Variants in PREPL observed in about 807,000 individuals in gnomAD.
PREPL encodes the protein prolyl endopeptidase-like.
A neutral mutation model predicts 70.6 loss-of-function variants in PREPL; 77 were observed. The ratio of observed to expected loss-of-function variants is 1.09; its 90% CI spans 0.91 to 1.32. The LOEUF is 1.32. PREPL is among the 40% of genes most tolerant of loss of function. The probability of loss-of-function intolerance (pLI) is 0.00; values close to 1 mark genes in which losing one functional copy is unlikely to be tolerated. For synonymous variants in PREPL, 315 were observed against 264.8 expected (o/e 1.19, Z -1.84); for missense variants, 1,002 against 778.2 (o/e 1.29, Z -3.42).
intron 12 of PREPL, 75 bp from the exon 13 acceptor site, chr2:44,321,975 CCT>C (rs1355702019): frequency 1.4e-6 from 2 of 1,429,016 alleles, no homozygotes; most frequent in African/African-American, 2.9e-5. Flanking sequence ...CCATTCCTCC[CCT>C]CTTCTTTGAG....
chr2:44,358,620 T>C (rs544487050), intron 1 of PREPL, among the ~76,000 whole-genome samples: 8 of 152,186 alleles, frequency 5.3e-5, no homozygotes, highest in African/African-American at 1.7e-4. Flanking sequence ...GGGACACTAT[T>C]AATAATTACA....
intron 13 of PREPL, 106 bp downstream of exon 13, chr2:44,321,721 A>C (rs1672972003): frequency 6.2e-6 from 10 of 1,600,130 alleles, no homozygotes; most frequent in Non-Finnish European, 7.7e-6. Context: ...TAGATAGGAC[A>C]TTTGTGAAGT....
In PREPL at chr2:44,318,228, T is replaced by C. The variant is rs185321433; in HGVS notation, c.*3128A>G. ...GCTGCAGCCTCCCAAGTAGCTGGGA[T>C]TACAGGTGCACGTCATTATGCCCGG... On this transcript the variant is annotated 3_prime_UTR_variant, in exon 14 of 14. Coordinates refer to ENST00000409411, the MANE Select transcript of PREPL (RefSeq NM_001171613.2). 5.5e-4 allele frequency: 200 copies of C among 363,636 alleles called. 1 individual carries two copies. The highest frequency in any genetic ancestry group is 3.7e-3 in the African/African-American group (167 of 44,644). 22.5% of individuals were successfully genotyped at this position (363,636 alleles called of 1,614,324 possible). A position where few individuals can be genotyped will look rare whatever the true frequency, so the allele number is the denominator to read the frequency against.
At chr2:44,338,572 A>C in intron 6 of PREPL, 36 bp from the exon 7 acceptor site, 1 of 1,525,818 alleles carries the variant, frequency 6.6e-7, no homozygotes, top group African/African-American at 1.4e-5. Context: ...TATAGGTAAG[A>C]AAACACGAAG....
At chr2:44,342,192 A>G (rs1675299484) in intron 5 of PREPL, among the ~76,000 whole-genome samples, 1 of 152,158 alleles carries the variant, frequency 6.6e-6, no homozygotes, top group African/African-American at 2.4e-5. Context: ...CACAAAATCA[A>G]TTTCAGTTTT....
intron 10 of PREPL, among the ~76,000 whole-genome samples, chr2:44,325,294 T>C (rs751653643): frequency 1.3e-5 from 2 of 152,230 alleles, no homozygotes; most frequent in Non-Finnish European, 2.9e-5. Flanking sequence ...TAATTTATTC[T>C]GGCAAAAGTG....
chr2:44,334,433 T>A (rs1056796131), intron 7 of PREPL, among the ~76,000 whole-genome samples: 1 of 152,192 alleles, frequency 6.6e-6, no homozygotes, highest in Non-Finnish European at 1.5e-5. Context: ...AAATTAAATA[T>A]CATAACTTCT....
At chr2:44,326,959 G>C (rs771028823) in intron 9 of PREPL, 31 bp from the exon 10 acceptor site, 1 of 1,576,802 alleles carries the variant, frequency 6.3e-7, no homozygotes, top group Non-Finnish European at 8.7e-7. Context: ...AGTTTTAGTG[G>C]AAAAAAAAAG....
chr2:44,358,534 T>C (rs1384677992), intron 1 of PREPL, among the ~76,000 whole-genome samples: 3 of 152,258 alleles, frequency 2.0e-5, no homozygotes, highest in East Asian at 3.9e-4. Flanking sequence ...GCAGCACAAA[T>C]AGATCATTTA....
At chr2:44,349,023 GAGA>G (rs896900271) in intron 1 of PREPL, among the ~76,000 whole-genome samples, 53 of 152,256 alleles carry the variant, frequency 3.5e-4, no homozygotes, top group Middle Eastern at 3.4e-3. Context: ...TTCAGATTTT[GAGA>G]AGGTTACTGG....
At chr2:44,353,276 G>A (rs901190878) in intron 1 of PREPL, among the ~76,000 whole-genome samples, 2 of 151,366 alleles carry the variant, frequency 1.3e-5, no homozygotes, top group African/African-American at 2.4e-5. Context: ...GAATACACAC[G>A]CTTCCTGATT....
chr2:44,345,769 AAAAC>A (rs374356973), intron 2 of PREPL, among the ~76,000 whole-genome samples: 3 of 152,352 alleles, frequency 2.0e-5, no homozygotes, highest in African/African-American at 7.2e-5. Flanking sequence ...AAATTTAGAC[AAAAC>A]AATCAAGTAA....
intron 1 of PREPL, among the ~76,000 whole-genome samples, chr2:44,351,154 G>A (rs1288364840): frequency 1.4e-5 from 2 of 146,510 alleles, no homozygotes; most frequent in Admixed American, 6.9e-5. Flanking sequence ...AGGCTGGTCT[G>A]AAACTCCTGA....
At position 44,346,334 on chromosome 2, in the gene PREPL, T is replaced by C. The variant is rs1024558203; in HGVS notation, c.9A>G (p.Ala3=). ...CTAATTTTGTTCTCACTTTTTCAAA[T>C]GCATCCATGTTTTCTGGAAGGGGTT... The part of the protein sequence containing the change: MD[A]FEKVRTKLET... Residue 3 remains alanine, a synonymous_variant, in exon 2 of 14, where the codon GCA becomes GCG. Transcript: ENST00000409411. The C allele has an allele frequency of 6.2e-7, 1 of 1,612,512 alleles. No individual in the cohort carries two copies. The highest frequency in any genetic ancestry group is 1.3e-5 in the African/African-American group (1 of 75,006).
chr2:44,359,351 C>G, intron 1 of PREPL: 1 of 693,622 alleles, frequency 1.4e-6, no homozygotes, highest in East Asian at 2.7e-5. Context: ...TTACTTTTGA[C>G]TAGAGACAAT....
intron 10 of PREPL, 107 bp downstream of exon 10, chr2:44,326,605 G>T: frequency 1.7e-6 from 2 of 1,170,966 alleles, no homozygotes; most frequent in Non-Finnish European, 2.5e-6. Flanking sequence ...GAAGTGCTGG[G>T]ATTACAGGCA....
chr2:44,332,319 T>TA (rs749171524), intron 8 of PREPL, 140 bp downstream of exon 8: 6 of 683,444 alleles, frequency 8.8e-6, no homozygotes, highest in Non-Finnish European at 1.4e-5. Flanking sequence ...CACCTATCCC[T>TA]AAAGTCACTT....
rs11348872 is a variant in PREPL at position 44,318,095 on chromosome 2, GTTTTTTT to G, written c.*3254_*3260del. The G allele has an allele frequency of 6.0e-5, 24 of 396,944 alleles. No homozygotes were observed. The highest frequency in any genetic ancestry group is 1.0e-4 in the Non-Finnish European group (21 of 201,870). The allele number at this position is 396,944 out of a possible 1,614,324, so 24.6% of individuals were successfully genotyped here. On this transcript the variant is annotated 3_prime_UTR_variant, in exon 14 of 14. Coordinates refer to ENST00000409411, the MANE Select transcript of PREPL (RefSeq NM_001171613.2). ...ATAATACTTAAAGGATCTCAACACT[GTTTTTTT>G]TTTTTTTTGAGACAGTCTTGCTCCG...
chr2:44,332,298 TA>T (rs903157133), intron 8 of PREPL, among the ~76,000 whole-genome samples, 160 bp downstream of exon 8: 1 of 152,070 alleles, frequency 6.6e-6, no homozygotes. Flanking sequence ...ATATTAAGGT[TA>T]AAAAAAATTC....
Sources: gnomAD v4.1 joint callset for allele counts (sites outside exome capture counted in the v4.1 genomes callset) on GRCh38, gnomAD v4.1.1 for gene constraint, MANE v1.5 for transcripts, NCBI Gene and HGNC (gene_info 2026-07-23, HGNC 2026-07-21) for gene names.